DYNC1LI1: variants seen among roughly 807,000 people sequenced by gnomAD.
DYNC1LI1 encodes the protein dynein cytoplasmic 1 light intermediate chain 1.
DYNC1LI1 carries 19 observed loss-of-function variants against 63.8 expected under a neutral mutation model. The observed-to-expected ratio is 0.30, with a 90% CI of 0.21 to 0.44. The LOEUF (loss-of-function observed/expected upper bound fraction) is 0.44, where lower values mean the gene tolerates loss of function less well. DYNC1LI1 is among the 20% of genes least tolerant of loss of function. DYNC1LI1 has a pLI of 1.00. For synonymous variants in DYNC1LI1, 225 were observed against 232.3 expected (o/e 0.97, Z 0.28); for missense variants, 565 against 630.2 (o/e 0.90, Z 1.11).
At chr3:32,535,398 T>C (rs534286867) in intron 6 of DYNC1LI1, among the ~76,000 whole-genome samples, 1 of 152,306 alleles carries the variant, frequency 6.6e-6, no homozygotes, top group East Asian at 1.9e-4. Context: ...ATTCTAGCAC[T>C]GGCCCTTGTT....
rs72860531 is a variant in DYNC1LI1 at position 32,551,205 on chromosome 3, G to T, written c.221-5240C>A. Among the ~76,000 whole-genome samples the T allele has an allele frequency of 2.6e-3, 394 of 152,218 alleles. 1 individual carries two copies. Among genetic ancestry groups the T allele is most frequent in the African/African-American group, 9.0e-3 (375 of 41,526 alleles). ...ACAAATCAGGAAGTCAGCCCAGAGGGAAGAGCCTGGTTTTACTTGGAAGTC... is the reference window on the plus strand; with the variant it reads ...ACAAATCAGGAAGTCAGCCCAGAGGTAAGAGCCTGGTTTTACTTGGAAGTC... On this transcript the variant is annotated intron_variant, in intron 2 of 12. Coordinates refer to ENST00000273130, the MANE Select transcript of DYNC1LI1 (RefSeq NM_016141.4).
chr3:32,551,002 TAA>T (rs74270099), intron 2 of DYNC1LI1, among the ~76,000 whole-genome samples: 50 of 128,036 alleles, frequency 3.9e-4, no homozygotes, highest in African/African-American at 6.2e-4. Context: ...AACAGCAAAT[TAA>T]AAAAAAAAAA....
chr3:32,526,999 C>T (rs1697627996), intron 12 of DYNC1LI1, 91 bp from the exon 13 acceptor site: 3 of 813,828 alleles, frequency 3.7e-6, no homozygotes, highest in Middle Eastern at 2.7e-4. Flanking sequence ...AGTCCTAACA[C>T]TTTCATTAAC....
chr3:32,543,991 G>C (rs889586963), intron 4 of DYNC1LI1, among the ~76,000 whole-genome samples: 4 of 151,652 alleles, frequency 2.6e-5, no homozygotes, highest in African/African-American at 9.7e-5. Flanking sequence ...CTGGTGGGGG[G>C]GCGGGCAGAG....
Position 32,545,252 on chromosome 3 carries a change from A to G in DYNC1LI1, c.338-146T>C, listed in dbSNP as rs570550896. 299 of 634,242 alleles carry G rather than the reference A, an allele frequency of 4.7e-4. No individual in the cohort carries two copies. The African/African-American group carries it at 5.1e-3, about 11-fold the overall frequency. The allele number at this position is 634,242 out of a possible 1,614,324, so 39.3% of individuals were successfully genotyped here. On this transcript the variant is annotated intron_variant, in intron 3 of 12. Coordinates refer to ENST00000273130, the MANE Select transcript of DYNC1LI1 (RefSeq NM_016141.4). ...AGTTCAACAATTTAGGCCATCTACC[A>G]ATTTATTTAAAGGCCGAAAATGACT...
At chr3:32,560,933 T>C (rs1398525377) in intron 2 of DYNC1LI1, among the ~76,000 whole-genome samples, 7 of 118,218 alleles carry the variant, frequency 5.9e-5, no homozygotes, top group Non-Finnish European at 9.8e-5. Flanking sequence ...ACAAGGGAGG[T>C]GGAGGTTGCA....
chr3:32,551,241 G>C (rs1368660332), intron 2 of DYNC1LI1, among the ~76,000 whole-genome samples: 1 of 152,188 alleles, frequency 6.6e-6, no homozygotes, highest in Non-Finnish European at 1.5e-5. Context: ...AGAAGTCTTT[G>C]CAGAAAAGGT....
At chr3:32,566,150 TAGTCCC>T (rs2125446904) in intron 2 of DYNC1LI1, among the ~76,000 whole-genome samples, 1 of 152,160 alleles carries the variant, frequency 6.6e-6, no homozygotes, top group East Asian at 1.9e-4. Context: ...CACGCACCTG[TAGTCCC>T]AGCTACTTAG....
rs569176229 is a variant in DYNC1LI1, at chr3:32,530,317, T to C, written c.1152A>G (p.Ala384=). ...TTCCAGCTGCAGTTGGTGGTTGCTT[T>C]GCTAAAAGGGACTGAAAAAAAAAAA... is the stretch of plus-strand genomic sequence containing the variant. The part of the protein sequence containing the change: ...VFLMKLQSLL[A]KQPPTAAGRP... The change falls in exon 10 of 13, where the codon GCA becomes GCG. Residue 384 remains alanine, a synonymous_variant. Transcript: ENST00000273130. The C allele has an allele frequency of 6.2e-7, 1 of 1,608,480 alleles. No individual in the cohort carries two copies. Among genetic ancestry groups the C allele is most frequent in the African/African-American group, 1.3e-5 (1 of 74,142 alleles).
intron 2 of DYNC1LI1, among the ~76,000 whole-genome samples, chr3:32,551,090 T>C (rs1358037285): frequency 2.0e-5 from 3 of 152,056 alleles, no homozygotes; most frequent in Non-Finnish European, 4.4e-5. Context: ...ATCAAAATTG[T>C]TGTCCTCTAA....
intron 2 of DYNC1LI1, among the ~76,000 whole-genome samples, chr3:32,559,204 G>T (rs1698157306): frequency 6.6e-6 from 1 of 151,622 alleles, no homozygotes; most frequent in African/African-American, 2.4e-5. Flanking sequence ...ATTACTTCTT[G>T]ATCAGTAATA....
At chr3:32,532,775 G>T in intron 8 of DYNC1LI1, 2 of 787,398 alleles carry the variant, frequency 2.5e-6, no homozygotes, top group South Asian at 3.1e-5. Context: ...TATGCCAAGG[G>T]CGAAGATTTA....
chr3:32,568,023 A>T (rs1010891642), intron 2 of DYNC1LI1, among the ~76,000 whole-genome samples: 1 of 152,038 alleles, frequency 6.6e-6, no homozygotes, highest in African/African-American at 2.4e-5. Flanking sequence ...TTTTTTGTAG[A>T]CATGGGGTTT....
At chr3:32,528,784 G>A (rs967291659) in intron 11 of DYNC1LI1, among the ~76,000 whole-genome samples, 183 bp from the exon 12 acceptor site, 8 of 152,080 alleles carry the variant, frequency 5.3e-5, no homozygotes, top group Non-Finnish European at 1.0e-4. Context: ...AACTTTAAGT[G>A]TAAAATAATT....
intron 2 of DYNC1LI1, 95 bp downstream of exon 2, chr3:32,570,251 T>C (rs1261610208): frequency 9.8e-7 from 1 of 1,017,586 alleles, no homozygotes; most frequent in Non-Finnish European, 1.5e-6. Flanking sequence ...CTGGGCCGGC[T>C]GTCCGCACAA....
At position 32,538,008 on chromosome 3, in the gene DYNC1LI1, A is replaced by AT. The variant is rs1491321971; in HGVS notation, c.739-905_739-904insA. On this transcript the variant is annotated intron_variant, in intron 5 of 12. Coordinates refer to ENST00000273130, the MANE Select transcript of DYNC1LI1 (RefSeq NM_016141.4). ...ATATATATATATAATTTATATATAT[A>AT]ATATATATATATAATTTATATATAT... Among the ~76,000 whole-genome samples the AT allele has an allele frequency of 1.4e-3, 37 of 26,242 alleles. 3 individuals are homozygous for AT. The highest frequency in any genetic ancestry group is 2.3e-3 in the East Asian group (2 of 852). The allele number at this position is 26,242 out of a possible 152,430, so 17.2% of individuals were successfully genotyped here.
chr3:32,545,744 G>C (rs1697943905), intron 3 of DYNC1LI1, 105 bp downstream of exon 3: 2 of 794,476 alleles, frequency 2.5e-6, no homozygotes, highest in East Asian at 2.4e-5. Flanking sequence ...TGACATCACA[G>C]AACTTCTAGT....
intron 3 of DYNC1LI1, 138 bp from the exon 4 acceptor site, chr3:32,545,244 C>A: frequency 1.5e-6 from 1 of 646,572 alleles, no homozygotes; most frequent in South Asian, 2.0e-5. Context: ...CAATTTAGGC[C>A]ATCTACCAAT....
At chr3:32,537,258 T>A (rs1225842016) in intron 5 of DYNC1LI1, 154 bp from the exon 6 acceptor site, 2 of 415,566 alleles carry the variant, frequency 4.8e-6, no homozygotes, top group African/African-American at 2.1e-5. Flanking sequence ...AAGTACCCTA[T>A]GAACTTTTAG....
Sources: allele counts gnomAD v4.1 joint callset (sites outside exome capture counted in the v4.1 genomes callset), GRCh38; gene constraint gnomAD v4.1.1; transcripts MANE v1.5; gene names NCBI Gene and HGNC (gene_info 2026-07-23, HGNC 2026-07-21).